STX12: variants seen among roughly 807,000 people sequenced by gnomAD.
STX12 encodes the protein syntaxin-12.
Under a neutral mutation model 42.2 loss-of-function variants are expected in STX12, and 17 were observed. The ratio of observed to expected loss-of-function variants is 0.40; its 90% confidence interval spans 0.28 to 0.60. The LOEUF (loss-of-function observed/expected upper bound fraction) is 0.60. Ranked by LOEUF, STX12 falls within the 20% of genes least tolerant of loss-of-function variation. The pLI is 0.39. For missense variants in STX12, 297 were observed against 330.9 expected (o/e 0.90, Z 0.79); for synonymous variants, 108 against 116.7 (o/e 0.93, Z 0.48).
In STX12 at chr1:27,793,516, T is replaced by C; in HGVS notation, c.189-17T>C. ...CAAGAAGTGACAACATCCTGAAACA[T>C]ATCTTTTCTCTCTTAGGCAACAGTT... On this transcript the variant is annotated splice_polypyrimidine_tract_variant and intron_variant, in intron 2 of 8. Coordinates refer to ENST00000373943, the MANE Select transcript of STX12 (RefSeq NM_177424.3). 1 of 1,608,680 alleles carries C rather than the reference T, an allele frequency of 6.2e-7. No homozygotes were observed. Among genetic ancestry groups the C allele is most frequent in the Middle Eastern group, 1.7e-4 (1 of 6,050 alleles).
At chr1:27,821,561 A>AT (rs61213603) in intron 8 of STX12, among the ~76,000 whole-genome samples, 94 of 147,844 alleles carry the variant, frequency 6.4e-4, no homozygotes, top group East Asian at 3.1e-3. Context: ...CGCTTGCTGT[A>AT]TTTTTTTTTT....
intron 3 of STX12, among the ~76,000 whole-genome samples, chr1:27,800,408 T>C (rs1444882097): frequency 6.6e-6 from 1 of 152,084 alleles, no homozygotes; most frequent in Non-Finnish European, 1.5e-5. Flanking sequence ...TATCCTTTAT[T>C]TACAAATAGA....
intron 6 of STX12, 121 bp downstream of exon 6, chr1:27,812,389 G>T: frequency 1.3e-6 from 1 of 744,756 alleles, no homozygotes; most frequent in African/African-American, 1.8e-5. Flanking sequence ...TGTGTGATTT[G>T]TATTTTTTCT....
intron 1 of STX12, among the ~76,000 whole-genome samples, chr1:27,782,175 A>G (rs1185356932): frequency 6.6e-6 from 1 of 152,124 alleles, no homozygotes; most frequent in Non-Finnish European, 1.5e-5. Context: ...TGGTACCGTC[A>G]TAGGTCACTG....
chr1:27,782,459 GT>G (rs1361365882), intron 1 of STX12, among the ~76,000 whole-genome samples: 6 of 152,140 alleles, frequency 3.9e-5, no homozygotes, highest in Non-Finnish European at 7.3e-5. Context: ...AACTGGTATG[GT>G]TAAAGGAAAA....
intron 6 of STX12, among the ~76,000 whole-genome samples, chr1:27,817,580 T>A (rs965183959): frequency 2.6e-5 from 4 of 152,252 alleles, no homozygotes; most frequent in Admixed American, 2.6e-4. Context: ...ATATCAGCAC[T>A]CCAGCCTTCT....
chr1:27,795,228 A>C lies in STX12; in HGVS notation c.288+1596A>C, dbSNP rs1324989030. On this transcript the variant is annotated intron_variant, in intron 3 of 8. Transcript: ENST00000373943. ...AGTATCAGAGTCTATATTATGTAAT[A>C]ATGGTAAATATTGTTATATGGAACT... Among the ~76,000 whole-genome samples the C allele has an allele frequency of 2.0e-5, 3 of 152,098 alleles. No individual in the cohort carries two copies. In the East Asian group the frequency reaches 5.8e-4, roughly 29 times the overall value.
At chr1:27,778,194 CT>C (rs1234200979) in intron 1 of STX12, among the ~76,000 whole-genome samples, 4 of 152,126 alleles carry the variant, frequency 2.6e-5, no homozygotes, top group Non-Finnish European at 5.9e-5. Context: ...GCACATCAGC[CT>C]GAGATAAGGC....
intron 2 of STX12, among the ~76,000 whole-genome samples, chr1:27,793,209 G>A (rs1201191763): frequency 1.3e-5 from 2 of 152,202 alleles, no homozygotes; most frequent in Non-Finnish European, 2.9e-5. Flanking sequence ...CTTGATTTAG[G>A]TGTGGGCGGC....
rs762531173 is a variant in STX12 at position 27,793,521 on chromosome 1, T to G, written c.189-12T>G. 6.2e-7 allele frequency: 1 copy of G among 1,611,716 alleles called. No homozygotes were observed. Among genetic ancestry groups the G allele is most frequent in the Non-Finnish European group, 8.5e-7 (1 of 1,177,906 alleles). ...AGTGACAACATCCTGAAACATATCT[T>G]TTCTCTCTTAGGCAACAGTTACAAC... On this transcript the variant is annotated splice_polypyrimidine_tract_variant and intron_variant, in intron 2 of 8. Transcript: ENST00000373943.
chr1:27,782,635 C>G (rs569854620), intron 1 of STX12, among the ~76,000 whole-genome samples: 1 of 152,102 alleles, frequency 6.6e-6, no homozygotes, highest in East Asian at 1.9e-4. Context: ...GTCAGGAGTT[C>G]GAGACCAGCC....
chr1:27,799,558 C>T (rs1462019308), intron 3 of STX12, among the ~76,000 whole-genome samples: 1 of 150,304 alleles, frequency 6.7e-6, no homozygotes, highest in Non-Finnish European at 1.5e-5. Context: ...TCTCAGCTCA[C>T]TGCAACCTCC....
At chr1:27,813,475 TA>T (rs1054304522) in intron 6 of STX12, among the ~76,000 whole-genome samples, 1 of 152,204 alleles carries the variant, frequency 6.6e-6, no homozygotes, top group African/African-American at 2.4e-5. Flanking sequence ...TGTGCCCAGC[TA>T]AAATATCCTT....
At chr1:27,808,311 TTTTATTTATTTA>T (rs34435449) in intron 4 of STX12, among the ~76,000 whole-genome samples, 8,428 of 144,168 alleles carry the variant, frequency 0.058, 485 homozygotes, top group East Asian at 0.24. Context: ...TTGCTTTGTT[TTTTATTTATTTA>T]TTTATTTATT....
At chr1:27,779,374 C>T (rs1013285348) in intron 1 of STX12, among the ~76,000 whole-genome samples, 1 of 150,438 alleles carries the variant, frequency 6.6e-6, no homozygotes, top group Non-Finnish European at 1.5e-5. Flanking sequence ...CACTCTGTCG[C>T]CCAGGCTGGA....
Position 27,823,484 on chromosome 1 carries a change from G to A in STX12, c.*1155G>A, listed in dbSNP as rs2088999694. The A allele has an allele frequency of 6.6e-6, 1 of 152,588 alleles. No homozygotes were observed. The highest frequency in any genetic ancestry group is 2.1e-4 in the South Asian group (1 of 4,826). 9.5% of individuals were successfully genotyped at this position (152,588 alleles called of 1,614,324 possible). A position where few individuals can be genotyped will look rare whatever the true frequency, so the allele number is the denominator to read the frequency against. On this transcript the variant is annotated 3_prime_UTR_variant, in exon 9 of 9. Transcript: ENST00000373943. The stretch of plus-strand genomic sequence containing the variant: ...ATTACTGTCTTGTAATATAAATGTT[G>A]TCCACTTCCCTTTTCCACAGGCCTA...
At chr1:27,814,133 A>G (rs2088922703) in intron 6 of STX12, among the ~76,000 whole-genome samples, 1 of 152,138 alleles carries the variant, frequency 6.6e-6, no homozygotes, top group Non-Finnish European at 1.5e-5. Context: ...CTGTTTTTAG[A>G]TGGGATAGTT....
Position 27,773,358 on chromosome 1 carries a change from C to G in STX12, c.51C>G (p.Pro17=). 2.5e-6 allele frequency: 4 copies of G among 1,613,396 alleles called. No homozygotes were observed. Among genetic ancestry groups the G allele is most frequent in the Non-Finnish European group, 3.4e-6 (4 of 1,179,564 alleles). ...DMYRNPGPSG[P]QLRDFSSIIQ... is the part of the protein sequence containing the mutation. ...ACCGGAACCCGGGGCCCTCGGGGCC[C>G]CAGCTCCGGGACTTCAGCAGCATCA... The change falls in exon 1 of 9, where the codon CCC becomes CCG. Residue 17 remains proline (P), a synonymous_variant. Coordinates refer to ENST00000373943, the MANE Select transcript of STX12 (RefSeq NM_177424.3).
At chr1:27,781,415 C>G (rs2088667511) in intron 1 of STX12, among the ~76,000 whole-genome samples, 1 of 152,126 alleles carries the variant, frequency 6.6e-6, no homozygotes, top group Non-Finnish European at 1.5e-5. Flanking sequence ...TAGGCAGGCT[C>G]AGGAGTCATA....
Sources: gnomAD v4.1 joint callset for allele counts (sites outside exome capture counted in the v4.1 genomes callset) on GRCh38, gnomAD v4.1.1 for gene constraint, MANE v1.5 for transcripts, NCBI Gene and HGNC (gene_info 2026-07-23, HGNC 2026-07-21) for gene names.